The following PRPSAP1 variants were observed in gnomAD, a reference collection of about 807,000 sequenced individuals.
PRPSAP1 encodes the protein phosphoribosyl pyrophosphate synthetase associated protein 1.
Under a neutral mutation model 39.4 loss-of-function variants are expected in PRPSAP1, and 31 were observed. The observed-to-expected ratio is 0.79, with a 90% confidence interval of 0.59 to 1.06. The LOEUF (loss-of-function observed/expected upper bound fraction) is 1.06. Among genes scored for constraint, PRPSAP1 ranks in the 50% least tolerant of loss-of-function variants. The probability of loss-of-function intolerance (pLI) is 0.00; values close to 1 mark genes in which losing one functional copy is unlikely to be tolerated. For synonymous variants in PRPSAP1, 212 were observed against 192.6 expected, an observed-to-expected ratio of 1.10 and a Z score of -0.83; for missense variants, 430 against 511.6, an observed-to-expected ratio of 0.84 and a Z score of 1.54.
rs1195033593 is a variant in PRPSAP1, at chr17:76,353,864, T to C, written c.-161A>G. On this transcript the variant is annotated 5_prime_UTR_variant, in exon 1 of 10. Coordinates refer to ENST00000446526, the MANE Select transcript of PRPSAP1 (RefSeq NM_002766.3). Reference sequence around the variant, plus strand: ...CCCTTGCGCACCCCACACCACTGACTACAGCGGCCGAGCCTTCGCAGCGCC... The same window carrying C: ...CCCTTGCGCACCCCACACCACTGACCACAGCGGCCGAGCCTTCGCAGCGCC... 2 of 1,318,292 alleles carry C rather than the reference T, an allele frequency of 1.5e-6. No individual in the cohort carries two copies. Among genetic ancestry groups the C allele is most frequent in the South Asian group, 3.9e-5 (2 of 50,660 alleles). The allele number at this position is 1,318,292 out of a possible 1,614,324, so 81.7% of individuals were successfully genotyped here.
intron 6 of PRPSAP1, among the ~76,000 whole-genome samples, chr17:76,329,377 A>G (rs1161706324): frequency 3.9e-5 from 6 of 152,128 alleles, no homozygotes; most frequent in Non-Finnish European, 5.9e-5. Context: ...ATTCTAGATA[A>G]TTTTGATTCT....
intron 3 of PRPSAP1, among the ~76,000 whole-genome samples, chr17:76,342,283 A>G (rs1321709407): frequency 2.0e-5 from 3 of 152,216 alleles, no homozygotes; most frequent in Non-Finnish European, 2.9e-5. Flanking sequence ...CAGCAGGAAG[A>G]CAAGACAACA....
intron 7 of PRPSAP1, among the ~76,000 whole-genome samples, chr17:76,328,076 A>T (rs184128953): frequency 6.6e-6 from 1 of 152,034 alleles, no homozygotes; most frequent in Non-Finnish European, 1.5e-5. Context: ...GTACCCCTAC[A>T]GTCCCAGCTA....
rs2071068521 is a variant in PRPSAP1 at position 76,311,379 on chromosome 17, T to C, written c.*163A>G. 1 of 702,494 alleles carries C rather than the reference T, an allele frequency of 1.4e-6. No individual in the cohort carries two copies. The highest frequency in any genetic ancestry group is 2.2e-6 in the Non-Finnish European group (1 of 447,958). The allele number at this position is 702,494 out of a possible 1,614,324, so 43.5% of individuals were successfully genotyped here. On this transcript the variant is annotated 3_prime_UTR_variant, in exon 10 of 10. Coordinates refer to ENST00000446526, the MANE Select transcript of PRPSAP1 (RefSeq NM_002766.3). ...ATATTTATCCATTAGCTCTGTCTTCTTCCTGACTCTTTTAATCCCTCCTCC... is the reference window on the plus strand; with the variant it reads ...ATATTTATCCATTAGCTCTGTCTTCCTCCTGACTCTTTTAATCCCTCCTCC...
At chr17:76,333,923 C>T (rs2071352819) in intron 3 of PRPSAP1, among the ~76,000 whole-genome samples, 1 of 152,148 alleles carries the variant, frequency 6.6e-6, no homozygotes, top group Non-Finnish European at 1.5e-5. Context: ...TGGTCTCACC[C>T]TGTCACCCAG....
In PRPSAP1 at chr17:76,311,657, T is replaced by C; in HGVS notation, c.1043A>G (p.Gln348Arg). The stretch of plus-strand genomic sequence containing the variant: ...ATCCACAGTCTTTATCTTGGGACAT[T>C]GCAGCTTCTGAACCTCATGAGGGAC... ...NTVPHEVQKLQCPKIKTVDIS... is the reference protein window; with the variant it reads ...NTVPHEVQKLRCPKIKTVDIS... Residue 348 changes from glutamine (Q) to arginine (R), a missense_variant, in exon 10 of 10, where the codon CAA becomes CGA. Gln to Arg is a conservative substitution (Grantham distance 43, BLOSUM62 1). Coordinates refer to ENST00000446526, the MANE Select transcript of PRPSAP1 (RefSeq NM_002766.3). 1.2e-6 allele frequency: 2 copies of C among 1,614,146 alleles called. No individual in the cohort carries two copies. Among genetic ancestry groups the C allele is most frequent in the Non-Finnish European group, 1.7e-6 (2 of 1,180,018 alleles).
chr17:76,345,107 T>A (rs8073205), intron 2 of PRPSAP1, among the ~76,000 whole-genome samples: 3 of 150,650 alleles, frequency 2.0e-5, no homozygotes, highest in Admixed American at 1.3e-4. Flanking sequence ...TGGTGGCGGG[T>A]GCCTGTAGTC....
intron 3 of PRPSAP1, among the ~76,000 whole-genome samples, chr17:76,341,098 CA>C (rs2071432113): frequency 6.6e-6 from 1 of 152,118 alleles, no homozygotes; most frequent in Non-Finnish European, 1.5e-5. Context: ...GCCAAGAGCA[CA>C]GCTGCTCATG....
At chr17:76,345,839 T>C (rs1395651672) in intron 2 of PRPSAP1, 4 of 388,556 alleles carry the variant, frequency 1.0e-5, no homozygotes, top group Middle Eastern at 4.3e-4. Context: ...GTTGCCACCA[T>C]GCCCAAGAGA....
At chr17:76,331,506 T>C (rs2071321950) in intron 4 of PRPSAP1, among the ~76,000 whole-genome samples, 2 of 152,224 alleles carry the variant, frequency 1.3e-5, no homozygotes, top group Admixed American at 1.3e-4. Context: ...CAACAATTTA[T>C]ATAGTGTTTA....
Position 76,353,865 on chromosome 17 carries a change from A to C in PRPSAP1, c.-162T>G. On this transcript the variant is annotated 5_prime_UTR_variant, in exon 1 of 10. Coordinates refer to ENST00000446526, the MANE Select transcript of PRPSAP1 (RefSeq NM_002766.3). The stretch of plus-strand genomic sequence containing the variant: ...CCTTGCGCACCCCACACCACTGACT[A>C]CAGCGGCCGAGCCTTCGCAGCGCCC... 2 of 1,317,078 alleles carry C rather than the reference A, an allele frequency of 1.5e-6. No individual in the cohort carries two copies. Among genetic ancestry groups the C allele is most frequent in the South Asian group, 2.0e-5 (1 of 49,526 alleles). 81.6% of individuals were successfully genotyped at this position (1,317,078 alleles called of 1,614,324 possible).
intron 3 of PRPSAP1, chr17:76,337,448 A>AAAC (rs3076544): frequency 0.76 from 114,727 of 151,920 alleles, 43,619 homozygotes; most frequent in Non-Finnish European, 0.79. Context: ...CAACAACAAC[A>AAAC]AACTAACCTG....
At chr17:76,324,096 T>C (rs1387468246) in intron 7 of PRPSAP1, among the ~76,000 whole-genome samples, 1 of 148,262 alleles carries the variant, frequency 6.7e-6, no homozygotes, top group Non-Finnish European at 1.5e-5. Flanking sequence ...GGAGCCGAGA[T>C]GGTGCCACTG....
At chr17:76,347,678 T>A (rs919991171) in intron 2 of PRPSAP1, among the ~76,000 whole-genome samples, 1 of 151,802 alleles carries the variant, frequency 6.6e-6, no homozygotes, top group Non-Finnish European at 1.5e-5. Flanking sequence ...AAGGGTTTCA[T>A]CTACTTGTTT....
chr17:76,330,447 G>T, intron 5 of PRPSAP1, 104 bp downstream of exon 5: 2 of 823,578 alleles, frequency 2.4e-6, no homozygotes, highest in South Asian at 1.8e-5. Context: ...TGACTTAAGG[G>T]AGAGCTCATT....
intron 3 of PRPSAP1, among the ~76,000 whole-genome samples, chr17:76,344,234 TCTC>T: frequency 6.6e-6 from 1 of 152,312 alleles, no homozygotes; most frequent in South Asian, 2.1e-4. Context: ...TTCACGCCTT[TCTC>T]CTATCTCAGC....
chr17:76,322,983 A>G (rs2071213737), intron 7 of PRPSAP1, among the ~76,000 whole-genome samples: 1 of 151,756 alleles, frequency 6.6e-6, no homozygotes, highest in South Asian at 2.1e-4. Flanking sequence ...TGAGAGAGGG[A>G]GATCCTGTCA....
chr17:76,328,661 CAA>C, intron 7 of PRPSAP1, 54 bp downstream of exon 7: 1 of 1,512,408 alleles, frequency 6.6e-7, no homozygotes, highest in Non-Finnish European at 9.0e-7. Context: ...ACAAAACCAA[CAA>C]AAAAAAACTT....
intron 3 of PRPSAP1, among the ~76,000 whole-genome samples, chr17:76,342,331 A>G (rs2071448390): frequency 6.6e-6 from 1 of 152,202 alleles, no homozygotes; most frequent in South Asian, 2.1e-4. Context: ...GAATCTCATC[A>G]TAGTGAAAGA....
Sources: allele counts gnomAD v4.1 joint callset (sites outside exome capture counted in the v4.1 genomes callset), GRCh38; gene constraint gnomAD v4.1.1; transcripts MANE v1.5; gene names NCBI Gene and HGNC (gene_info 2026-07-23, HGNC 2026-07-21).